ABHD18: variants seen among roughly 807,000 people sequenced by gnomAD.
The protein encoded by ABHD18 is abhydrolase domain containing 18.
Under a neutral mutation model 65.9 loss-of-function variants are expected in ABHD18, and 55 were observed. The observed-to-expected ratio is 0.84, with a 90% CI of 0.67 to 1.05. The LOEUF is 1.05. ABHD18 is among the 50% of genes least tolerant of loss of function. ABHD18 has a pLI of 0.00. For synonymous variants in ABHD18, 181 were observed against 180.2 expected (o/e 1.00, Z -0.04); for missense variants, 533 against 558.5 (o/e 0.95, Z 0.46).
At chr4:128,026,790 T>C (rs1021848463) in intron 10 of ABHD18, among the ~76,000 whole-genome samples, 2 of 143,528 alleles carry the variant, frequency 1.4e-5, no homozygotes, top group Admixed American at 7.0e-5. Context: ...TTTCTTTTTC[T>C]TTTTTTTTTT....
At chr4:128,026,789 CT>C (rs1389977770) in intron 10 of ABHD18, among the ~76,000 whole-genome samples, 266 of 142,184 alleles carry the variant, frequency 1.9e-3, no homozygotes, top group Middle Eastern at 3.7e-3. Flanking sequence ...TTTTCTTTTT[CT>C]TTTTTTTTTT....
At chr4:128,001,364 C>G (rs983344110) in intron 4 of ABHD18, among the ~76,000 whole-genome samples, 1 of 152,064 alleles carries the variant, frequency 6.6e-6, no homozygotes, top group Non-Finnish European at 1.5e-5. Context: ...TGAATTTTAT[C>G]GAAAGCCTTT....
chr4:128,031,301 A>AG (rs1342341100), intron 12 of ABHD18: 1 of 169,866 alleles, frequency 5.9e-6, no homozygotes, highest in African/African-American at 2.4e-5. Flanking sequence ...AAAAATACAA[A>AG]AAAAAAAAAA....
intron 1 of ABHD18, among the ~76,000 whole-genome samples, chr4:127,975,889 A>G (rs1175663040): frequency 1.3e-5 from 2 of 152,054 alleles, no homozygotes; most frequent in Non-Finnish European, 2.9e-5. Flanking sequence ...GCAGTGGTAC[A>G]GTCTCGGCTC....
At chr4:128,025,402 T>C (rs1757194968) in intron 10 of ABHD18, among the ~76,000 whole-genome samples, 1 of 152,132 alleles carries the variant, frequency 6.6e-6, no homozygotes, top group African/African-American at 2.4e-5. Context: ...CCTCCCAGAG[T>C]GCTGGGATTA....
intron 1 of ABHD18, among the ~76,000 whole-genome samples, chr4:127,966,292 C>CA (rs1745349332): frequency 6.6e-6 from 1 of 152,088 alleles, no homozygotes. Flanking sequence ...CATTTGATCA[C>CA]AAGTATCCTA....
intron 4 of ABHD18, among the ~76,000 whole-genome samples, chr4:127,996,917 CT>C (rs1223383501): frequency 2.0e-5 from 3 of 152,210 alleles, no homozygotes; most frequent in Admixed American, 2.0e-4. Flanking sequence ...CTGAAAATCG[CT>C]GTTGTTCTGT....
At chr4:127,970,558 C>T (rs996800660) in intron 1 of ABHD18, among the ~76,000 whole-genome samples, 1 of 140,310 alleles carries the variant, frequency 7.1e-6, no homozygotes, top group Non-Finnish European at 1.5e-5. Flanking sequence ...CATTGCAATC[C>T]AGCCTGGGCA....
chr4:127,988,038 G>A (rs370706652), intron 3 of ABHD18, among the ~76,000 whole-genome samples: 9 of 152,162 alleles, frequency 5.9e-5, no homozygotes, highest in African/African-American at 1.9e-4. Context: ...TCAACACAGC[G>A]TGATATTGGT....
In ABHD18 at chr4:128,039,691, A is replaced by G. The variant is rs1262554846; in HGVS notation, c.*3878A>G. 2.6e-5 allele frequency: 4 copies of G among 152,222 alleles called. No homozygotes were observed. Among genetic ancestry groups the G allele is most frequent in the African/African-American group, 9.6e-5 (4 of 41,462 alleles). The allele number at this position is 152,222 out of a possible 1,614,324, so 9.4% of individuals were successfully genotyped here. A position where few individuals can be genotyped will look rare whatever the true frequency, so the allele number is the denominator to read the frequency against. On this transcript the variant is annotated 3_prime_UTR_variant, in exon 13 of 13. Coordinates refer to ENST00000645843, the MANE Select transcript of ABHD18 (RefSeq NM_001358451.3). ...AAATCTTTTATTATATTTCACAGTA[A>G]AAGTCTATTTAAAAAGCTAATCATT... is the stretch of plus-strand genomic sequence containing the variant.
At chr4:128,013,369 T>G (rs926910550) in intron 7 of ABHD18, among the ~76,000 whole-genome samples, 9 of 152,100 alleles carry the variant, frequency 5.9e-5, no homozygotes, top group Non-Finnish European at 1.3e-4. Context: ...GTTTAAATAA[T>G]AGGACTTGTG....
At position 127,969,190 on chromosome 4, in the gene ABHD18, TTTTTTTC is replaced by T. The variant is rs1169658479; in HGVS notation, c.-18+3598_-18+3604del. Among the ~76,000 whole-genome samples the T allele has an allele frequency of 9.9e-5, 15 of 151,746 alleles. No individual in the cohort carries two copies. The East Asian group carries it at 2.5e-3, about 25-fold the overall frequency. On this transcript the variant is annotated intron_variant, in intron 1 of 12. Coordinates refer to ENST00000645843, the MANE Select transcript of ABHD18 (RefSeq NM_001358451.3). Reference sequence around the variant, plus strand: ...ATTAAAGTGATTTGGGAAGGTTTTCTTTTTTTCTTTTTTCTTTTTTTTTTTTTTGAGA... The same window carrying T: ...ATTAAAGTGATTTGGGAAGGTTTTCTTTTTTTCTTTTTTTTTTTTTTGAGA...
At chr4:128,023,412 A>G (rs1447914101) in intron 10 of ABHD18, among the ~76,000 whole-genome samples, 4 of 144,828 alleles carry the variant, frequency 2.8e-5, no homozygotes, top group African/African-American at 1.0e-4. Context: ...ACAAAAAAAA[A>G]AAAAAAAAAA....
chr4:127,965,678 G>T, intron 1 of ABHD18, 72 bp downstream of exon 1: 1 of 177,910 alleles, frequency 5.6e-6, no homozygotes, highest in South Asian at 1.0e-4. Context: ...CCGTGTACGC[G>T]CCTGGAGGCA....
At position 128,004,508 on chromosome 4, in the gene ABHD18, C is replaced by T. The variant is rs1046983918; in HGVS notation, c.279-4412C>T. On this transcript the variant is annotated intron_variant, in intron 4 of 12. Coordinates refer to ENST00000645843, the MANE Select transcript of ABHD18 (RefSeq NM_001358451.3). The stretch of plus-strand genomic sequence containing the variant: ...CAACTTCTGCCTCTGCTGCAGCCAT[C>T]TCCTATGTCTGTTCTCAAATATTGT... Among the ~76,000 whole-genome samples, 8 of 152,066 alleles carry T rather than the reference C, an allele frequency of 5.3e-5. 1 individual carries two copies. The highest frequency in any genetic ancestry group is 1.9e-4 in the African/African-American group (8 of 41,416).
chr4:128,010,075 A>G (rs373312743), intron 6 of ABHD18, among the ~76,000 whole-genome samples: 20 of 152,278 alleles, frequency 1.3e-4, no homozygotes, highest in Middle Eastern at 3.4e-3. Flanking sequence ...TAGTACCTCA[A>G]TTTTCTCATT....
At chr4:128,031,183 G>A (rs776126989) in intron 12 of ABHD18, 7 of 978,962 alleles carry the variant, frequency 7.2e-6, no homozygotes, top group East Asian at 1.1e-4. Context: ...GGCTGGGCGC[G>A]GTGGCTTACG....
chr4:128,014,110 A>G (rs1373958755), intron 7 of ABHD18, among the ~76,000 whole-genome samples: 2 of 150,654 alleles, frequency 1.3e-5, no homozygotes, highest in African/African-American at 4.9e-5. Context: ...CAGCCTCCCG[A>G]GTAGCTGGGA....
At chr4:128,032,974 C>T (rs886079020) in intron 12 of ABHD18, among the ~76,000 whole-genome samples, 2 of 152,120 alleles carry the variant, frequency 1.3e-5, no homozygotes, top group Non-Finnish European at 2.9e-5. Flanking sequence ...AGTGGGTGGG[C>T]CGGGCGTGGT....
Sources: allele counts gnomAD v4.1 joint callset (sites outside exome capture counted in the v4.1 genomes callset), GRCh38; gene constraint gnomAD v4.1.1; transcripts MANE v1.5; gene names NCBI Gene and HGNC (gene_info 2026-07-23, HGNC 2026-07-21).